Variants in SORCS2 observed in about 807,000 individuals in gnomAD.
SORCS2 encodes sortilin related VPS10 domain containing receptor 2.
In SORCS2, 100 loss-of-function variants were observed where a neutral mutation model predicts 141.6. The observed-to-expected ratio is 0.71, with a 90% confidence interval of 0.60 to 0.83. SORCS2 has a LOEUF of 0.83. SORCS2 is among the 40% of genes least tolerant of loss of function. The pLI is 0.00. For synonymous variants in SORCS2, 789 were observed against 676.9 expected, an observed-to-expected ratio of 1.17 and a Z score of -2.57; for missense variants, 1,646 against 1,560.2, an observed-to-expected ratio of 1.05 and a Z score of -0.93.
Position 7,586,850 on chromosome 4 carries a change from T to C in SORCS2, c.649-51478T>C, listed in dbSNP as rs746743335. Among the ~76,000 whole-genome samples the C allele has an allele frequency of 5.0e-4, 76 of 152,122 alleles. 1 individual carries two copies. Among genetic ancestry groups the C allele is most frequent in the Non-Finnish European group, 1.0e-3 (68 of 68,026 alleles). ...TATCTTCTTATATACTCCTCGGAGA[T>C]CAGCCAGAGTTTGCATTTTCTCGAG... On this transcript the variant is annotated intron_variant, in intron 3 of 26. Transcript: ENST00000507866.
rs944617481 is a variant in SORCS2 at position 7,741,094 on chromosome 4, G to A, written c.*830G>A. On this transcript the variant is annotated 3_prime_UTR_variant, in exon 27 of 27. Coordinates refer to ENST00000507866, the MANE Select transcript of SORCS2 (RefSeq NM_020777.3). ...TCCCGCAGGCTTCTCCCACCTGATG[G>A]CTGTTCTCCCACCGGGTCTGGGCTC... 4.5e-5 allele frequency: 18 copies of A among 398,592 alleles called. No individual in the cohort carries two copies. Among genetic ancestry groups the A allele is most frequent in the Admixed American group, 8.8e-5 (2 of 22,708 alleles). The allele number at this position is 398,592 out of a possible 1,614,324, so 24.7% of individuals were successfully genotyped here.
At chr4:7,638,889 A>G (rs1033444051) in intron 4 of SORCS2, among the ~76,000 whole-genome samples, 1 of 152,144 alleles carries the variant, frequency 6.6e-6, no homozygotes, top group African/African-American at 2.4e-5. Context: ...CCTTTCCCTC[A>G]GTGTGGAATG....
chr4:7,557,534 C>A (rs1347347140), intron 3 of SORCS2, among the ~76,000 whole-genome samples: 2 of 152,152 alleles, frequency 1.3e-5, no homozygotes, highest in African/African-American at 2.4e-5. Flanking sequence ...AGATGAATAA[C>A]CAACTATGGA....
chr4:7,685,240 A>G (rs112966316), intron 10 of SORCS2, among the ~76,000 whole-genome samples: 2 of 152,342 alleles, frequency 1.3e-5, no homozygotes, highest in African/African-American at 4.8e-5. Context: ...GGTGAGATTT[A>G]TGTCCTGGCC....
intron 3 of SORCS2, among the ~76,000 whole-genome samples, chr4:7,558,931 C>T (rs1261114526): frequency 2.6e-5 from 4 of 152,240 alleles, no homozygotes; most frequent in Admixed American, 6.5e-5. Flanking sequence ...TTTCTGTCCT[C>T]CTGTGCCCTG....
chr4:7,402,010 T>C (rs186310032), intron 2 of SORCS2, among the ~76,000 whole-genome samples: 1 of 152,342 alleles, frequency 6.6e-6, no homozygotes, highest in Non-Finnish European at 1.5e-5. Context: ...TAATCCATCA[T>C]TGCCTTCTTC....
chr4:7,701,566 G>A (rs1185921122), intron 12 of SORCS2, among the ~76,000 whole-genome samples: 1 of 152,212 alleles, frequency 6.6e-6, no homozygotes, highest in East Asian at 1.9e-4. Context: ...TAGGATTTGG[G>A]CTTGACTGTA....
intron 4 of SORCS2, among the ~76,000 whole-genome samples, chr4:7,641,819 T>TGG (rs1720752833): frequency 7.8e-6 from 1 of 127,674 alleles, no homozygotes; most frequent in African/African-American, 3.0e-5. Context: ...GATGGATGGG[T>TGG]GGGTGGATGG....
intron 5 of SORCS2, among the ~76,000 whole-genome samples, chr4:7,659,797 G>A (rs1360691865): frequency 6.6e-6 from 1 of 152,282 alleles, no homozygotes; most frequent in East Asian, 1.9e-4. Flanking sequence ...TGAGACCCTG[G>A]ACTGAGGGTG....
intron 1 of SORCS2, among the ~76,000 whole-genome samples, chr4:7,219,233 A>G (rs1251325580): frequency 6.6e-6 from 1 of 151,868 alleles, no homozygotes; most frequent in Non-Finnish European, 1.5e-5. Flanking sequence ...GGCAGAGACA[A>G]TGTCAGACTT....
intron 10 of SORCS2, among the ~76,000 whole-genome samples, chr4:7,683,603 C>T (rs1723698676): frequency 1.3e-5 from 2 of 152,226 alleles, no homozygotes; most frequent in African/African-American, 4.8e-5. Flanking sequence ...CTAAATCTTA[C>T]TGGTCAACAT....
At chr4:7,265,722 T>G (rs1449628528) in intron 1 of SORCS2, among the ~76,000 whole-genome samples, 1 of 152,176 alleles carries the variant, frequency 6.6e-6, no homozygotes, top group Non-Finnish European at 1.5e-5. Flanking sequence ...CAGTGTGAGC[T>G]CATCTGGAGA....
chr4:7,400,551 C>G (rs1724510758), intron 2 of SORCS2, among the ~76,000 whole-genome samples: 1 of 152,070 alleles, frequency 6.6e-6, no homozygotes, highest in African/African-American at 2.4e-5. Context: ...TTATTGATCA[C>G]CAGATCCCTG....
intron 1 of SORCS2, among the ~76,000 whole-genome samples, chr4:7,389,237 C>T (rs964627517): frequency 6.6e-6 from 1 of 152,208 alleles, no homozygotes; most frequent in South Asian, 2.1e-4. Context: ...GGTCTCCAGA[C>T]CAGTGTAACT....
intron 2 of SORCS2, among the ~76,000 whole-genome samples, chr4:7,463,737 A>G (rs1729450175): frequency 6.6e-6 from 1 of 152,180 alleles, no homozygotes; most frequent in Non-Finnish European, 1.5e-5. Flanking sequence ...ACTCTCCTGC[A>G]CCGCTCTGGA....
chr4:7,436,399 A>G (rs1727302027), intron 2 of SORCS2, among the ~76,000 whole-genome samples: 1 of 152,256 alleles, frequency 6.6e-6, no homozygotes, highest in South Asian at 2.1e-4. Context: ...ACCAGGCTGA[A>G]GCAAACAGAA....
intron 1 of SORCS2, among the ~76,000 whole-genome samples, chr4:7,271,244 C>T (rs1715105910): frequency 6.6e-6 from 1 of 152,198 alleles, no homozygotes; most frequent in African/African-American, 2.4e-5. Context: ...CCACTCTGAG[C>T]CCTCTCACCA....
At chr4:7,218,312 G>C (rs914165977) in intron 1 of SORCS2, among the ~76,000 whole-genome samples, 2 of 152,126 alleles carry the variant, frequency 1.3e-5, no homozygotes, top group African/African-American at 2.4e-5. Flanking sequence ...TCTTCTCCTC[G>C]ATCACTTCAA....
At chr4:7,395,616 T>A (rs1470714400) in intron 1 of SORCS2, among the ~76,000 whole-genome samples, 1 of 151,442 alleles carries the variant, frequency 6.6e-6, no homozygotes, top group African/African-American at 2.4e-5. Context: ...TTATAAATAG[T>A]TGCATTTTCT....
Sources: gnomAD v4.1 joint callset for allele counts (sites outside exome capture counted in the v4.1 genomes callset) on GRCh38, gnomAD v4.1.1 for gene constraint, MANE v1.5 for transcripts, NCBI Gene and HGNC (gene_info 2026-07-23, HGNC 2026-07-21) for gene names.